PDE11A: variants seen among roughly 807,000 people sequenced by gnomAD.
The protein encoded by PDE11A is phosphodiesterase 11A.
A neutral mutation model predicts 100.5 loss-of-function variants in PDE11A; 100 were observed. That is an observed-to-expected ratio of 1.00 (90% CI 0.85 to 1.18). The LOEUF (loss-of-function observed/expected upper bound fraction) is 1.18, where lower values mean the gene tolerates loss of function less well. Ranked by LOEUF, PDE11A falls within the 50% of genes most tolerant of loss-of-function variation. PDE11A has a pLI of 0.00. For missense variants in PDE11A, 1,141 were observed against 1,152.6 expected, an observed-to-expected ratio of 0.99 and a Z score of 0.15; for synonymous variants, 381 against 420.8, an observed-to-expected ratio of 0.91 and a Z score of 1.16.
intron 9 of PDE11A, among the ~76,000 whole-genome samples, chr2:177,805,754 T>C (rs1439105812): frequency 6.6e-6 from 1 of 152,150 alleles, no homozygotes; most frequent in Non-Finnish European, 1.5e-5. Flanking sequence ...AGATCAGTAG[T>C]GGAAAATAGA....
chr2:177,660,065 T>TTCTCTCTTTCCTTCTTTC (rs2080455425), intron 19 of PDE11A, among the ~76,000 whole-genome samples: 1 of 4,406 alleles, frequency 2.3e-4, no homozygotes. Context: ...CTTTCTTTCT[T>TTCTCTCTTTCCTTCTTTC]TCTTTCTTTC....
chr2:177,946,018 C>A (rs2085418926), intron 2 of PDE11A, among the ~76,000 whole-genome samples: 2 of 149,336 alleles, frequency 1.3e-5, no homozygotes, highest in Non-Finnish European at 3.0e-5. Flanking sequence ...GTCAGCCCCC[C>A]CACCCGGCCA....
At chr2:177,767,173 T>A (rs1245789460) in intron 10 of PDE11A, among the ~76,000 whole-genome samples, 1 of 152,082 alleles carries the variant, frequency 6.6e-6, no homozygotes, top group African/African-American at 2.4e-5. Flanking sequence ...CTACTAAAAA[T>A]ACAAAAATTA....
chr2:177,885,222 GTA>G (rs1553486011), intron 4 of PDE11A, among the ~76,000 whole-genome samples: 2 of 151,682 alleles, frequency 1.3e-5, no homozygotes, highest in South Asian at 2.1e-4. Flanking sequence ...GTGTGTGTGT[GTA>G]TATATAGTAC....
intron 1 of PDE11A, among the ~76,000 whole-genome samples, chr2:178,065,794 G>A (rs1447432583): frequency 6.6e-6 from 1 of 151,990 alleles, no homozygotes; most frequent in East Asian, 1.9e-4. Flanking sequence ...TATCAGCACT[G>A]GCTCATCAGG....
At chr2:177,926,336 G>A (rs2085124080) in intron 2 of PDE11A, among the ~76,000 whole-genome samples, 1 of 152,128 alleles carries the variant, frequency 6.6e-6, no homozygotes, top group Non-Finnish European at 1.5e-5. Context: ...ATACTTTAGG[G>A]AAAGTTTATA....
At chr2:178,057,586 A>T (rs1447883019) in intron 1 of PDE11A, among the ~76,000 whole-genome samples, 2 of 152,108 alleles carry the variant, frequency 1.3e-5, no homozygotes, top group Non-Finnish European at 2.9e-5. Context: ...TGCAGAATAC[A>T]TTTTCTTTGC....
At chr2:177,890,122 T>C (rs1330276298) in intron 4 of PDE11A, among the ~76,000 whole-genome samples, 1 of 152,248 alleles carries the variant, frequency 6.6e-6, no homozygotes, top group Non-Finnish European at 1.5e-5. Context: ...GTGAGAAGTC[T>C]CCTGTGCTTA....
chr2:177,795,818 C>G (rs1463695716), intron 9 of PDE11A, among the ~76,000 whole-genome samples: 3 of 151,156 alleles, frequency 2.0e-5, no homozygotes, highest in Non-Finnish European at 4.4e-5. Flanking sequence ...GATCCCACCT[C>G]CCTAAGACTC....
Position 177,820,219 on chromosome 2 carries a change from C to A in PDE11A, c.1576+1G>T, listed in dbSNP as rs773644304. On this transcript the variant is annotated splice_donor_variant, in intron 7 of 19. Transcript: ENST00000286063. LOFTEE classifies it high-confidence loss of function. ...GTTTAACTATTTAGGTCATCTCTTA[C>A]CAATTATTTGGTGGTTGCTATTCCA... 4.0e-6 allele frequency: 6 copies of A among 1,484,142 alleles called. No individual in the cohort carries two copies. Among genetic ancestry groups the A allele is most frequent in the Non-Finnish European group, 4.7e-6 (5 of 1,062,396 alleles). The allele number at this position is 1,484,142 out of a possible 1,614,324, so 91.9% of individuals were successfully genotyped here. A position where few individuals can be genotyped will look rare whatever the true frequency, so the allele number is the denominator to read the frequency against.
intron 19 of PDE11A, among the ~76,000 whole-genome samples, chr2:177,654,878 A>G (rs1574101553): frequency 6.6e-6 from 1 of 152,050 alleles, no homozygotes; most frequent in Non-Finnish European, 1.5e-5. Flanking sequence ...TCTTCCGAAG[A>G]GAGACGAAGA....
intron 5 of PDE11A, among the ~76,000 whole-genome samples, chr2:177,868,911 A>C (rs1172562563): frequency 6.6e-6 from 1 of 152,190 alleles, no homozygotes; most frequent in Non-Finnish European, 1.5e-5. Flanking sequence ...AAATTTTTTC[A>C]CTGTGCAGAT....
At chr2:177,833,536 A>C (rs7570577) in intron 6 of PDE11A, among the ~76,000 whole-genome samples, 147,532 of 152,250 alleles carry the variant, frequency 0.97, 71,637 homozygotes, top group Middle Eastern at 1. Flanking sequence ...GTTTTCTGTG[A>C]TCTGCCTTAA....
At chr2:177,713,993 T>TTTC (rs1553540437) in intron 12 of PDE11A, among the ~76,000 whole-genome samples, 4 of 115,206 alleles carry the variant, frequency 3.5e-5, no homozygotes, top group Admixed American at 1.8e-4. Context: ...TTTTCTTTTT[T>TTTC]TTTTTTTTTT....
chr2:177,769,058 A>G, intron 10 of PDE11A, among the ~76,000 whole-genome samples: 1 of 152,202 alleles, frequency 6.6e-6, no homozygotes, highest in East Asian at 1.9e-4. Context: ...TCACCATATT[A>G]TAGACTTTTT....
rs576050344 is a variant in PDE11A, at chr2:177,697,037, T to A, written c.2345+295A>T. Among the ~76,000 whole-genome samples, 5 of 152,334 alleles carry A rather than the reference T, an allele frequency of 3.3e-5. No homozygotes were observed. In the South Asian group the frequency reaches 1.0e-3, roughly 32 times the overall value. ...AGTTAACAGTCTTAAATAGCAATAT[T>A]AGCTAGGATCTAAGATAAAAATGGC... is the stretch of plus-strand genomic sequence containing the variant. On this transcript the variant is annotated intron_variant, in intron 15 of 19. Transcript: ENST00000286063.
intron 15 of PDE11A, among the ~76,000 whole-genome samples, chr2:177,682,911 T>C (rs77223227): frequency 0.048 from 5,803 of 121,990 alleles, 360 homozygotes; most frequent in African/African-American, 0.19. Flanking sequence ...AATACCATCA[T>C]GACATATAAT....
intron 2 of PDE11A, among the ~76,000 whole-genome samples, chr2:177,945,893 G>T (rs1259204040): frequency 7.4e-6 from 1 of 134,934 alleles, no homozygotes; most frequent in Non-Finnish European, 1.6e-5. Flanking sequence ...TCAGCCCCCT[G>T]CCCGGCCAGC....
chr2:178,102,130 AT>A (rs201019394), intron 2 of PDE11A, among the ~76,000 whole-genome samples: 28,980 of 144,978 alleles, frequency 0.2, 2,762 homozygotes, highest in South Asian at 0.23. Context: ...CATCTGTCTA[AT>A]TTTTTTTTTT....
Sources: allele counts gnomAD v4.1 joint callset (sites outside exome capture counted in the v4.1 genomes callset), GRCh38; gene constraint gnomAD v4.1.1; transcripts MANE v1.5; gene names NCBI Gene and HGNC (gene_info 2026-07-23, HGNC 2026-07-21).